Variants in CNTN4 observed in about 807,000 individuals in gnomAD.
The protein encoded by CNTN4 is contactin 4.
CNTN4 carries 77 observed loss-of-function variants against 122.5 expected under a neutral mutation model. That is an observed-to-expected ratio of 0.63 (90% CI 0.52 to 0.76). The LOEUF is 0.76. Ranked by LOEUF, CNTN4 falls within the 30% of genes least tolerant of loss-of-function variation. The pLI is 0.00. For synonymous variants in CNTN4, 512 were observed against 447.0 expected, an observed-to-expected ratio of 1.15 and a Z score of -1.83; for missense variants, 1,256 against 1,259.1, an observed-to-expected ratio of 1.00 and a Z score of 0.04.
At chr3:2,215,587 T>C (rs919152007) in intron 2 of CNTN4, among the ~76,000 whole-genome samples, 9 of 152,082 alleles carry the variant, frequency 5.9e-5, no homozygotes, top group Admixed American at 4.6e-4. Flanking sequence ...CCAACAGTGT[T>C]AAGAGTTCCC....
At chr3:3,050,897 C>T (rs553327771) in intron 23 of CNTN4, among the ~76,000 whole-genome samples, 6 of 152,044 alleles carry the variant, frequency 3.9e-5, no homozygotes, top group South Asian at 2.1e-4. Context: ...TCTTTGAAAT[C>T]AGAATAATAA....
intron 2 of CNTN4, among the ~76,000 whole-genome samples, chr3:2,122,772 A>G (rs982132739): frequency 1.1e-4 from 17 of 152,218 alleles, no homozygotes; most frequent in Non-Finnish European, 2.5e-4. Flanking sequence ...CTTAGCAATT[A>G]ATAGACGTTC....
At chr3:2,311,427 A>C (rs2042910929) in intron 2 of CNTN4, among the ~76,000 whole-genome samples, 1 of 152,154 alleles carries the variant, frequency 6.6e-6, no homozygotes, top group South Asian at 2.1e-4. Flanking sequence ...GACAAGAAGC[A>C]TAAAGAAACC....
intron 3 of CNTN4, among the ~76,000 whole-genome samples, chr3:2,425,849 C>T (rs1003376660): frequency 2.0e-5 from 3 of 152,144 alleles, no homozygotes; most frequent in Non-Finnish European, 2.9e-5. Flanking sequence ...GGAGTTCACT[C>T]ATGATTTGGC....
intron 3 of CNTN4, among the ~76,000 whole-genome samples, chr3:2,398,228 CAA>C (rs1316361851): frequency 6.6e-6 from 1 of 151,998 alleles, no homozygotes; most frequent in Admixed American, 6.6e-5. Context: ...GATTTATATC[CAA>C]AAAGTTTCCT....
chr3:2,358,061 T>C (rs2044947834), intron 3 of CNTN4, among the ~76,000 whole-genome samples: 1 of 152,184 alleles, frequency 6.6e-6, no homozygotes, highest in Non-Finnish European at 1.5e-5. Context: ...CATGTGACAT[T>C]TTACTTAGTG....
chr3:2,385,001 C>T lies in CNTN4; in HGVS notation c.-89+45768C>T, dbSNP rs2046191799. On this transcript the variant is annotated intron_variant, in intron 3 of 24. Transcript: ENST00000418658. This position sits in a 1 kb window ranked among gnomAD's most constrained non-coding sequence, Gnocchi z 4.0. Reference sequence around the variant, plus strand: ...TGAAAGTCATTGTTGGTTTTACTGCCTCCATTCAGATCCTCCTTTTCTCTC... The same window carrying T: ...TGAAAGTCATTGTTGGTTTTACTGCTTCCATTCAGATCCTCCTTTTCTCTC... Among the ~76,000 whole-genome samples, 1 of 152,084 alleles carries T rather than the reference C, an allele frequency of 6.6e-6. No homozygotes were observed. Among genetic ancestry groups the T allele is most frequent in the Non-Finnish European group, 1.5e-5 (1 of 68,018 alleles).
intron 6 of CNTN4, among the ~76,000 whole-genome samples, chr3:2,796,389 C>T (rs953560869): frequency 3.3e-5 from 5 of 152,014 alleles, no homozygotes; most frequent in Non-Finnish European, 7.3e-5. Context: ...GGCAAGCAAG[C>T]AGAATCTTTT....
intron 2 of CNTN4, among the ~76,000 whole-genome samples, chr3:2,251,127 T>C (rs1269818580): frequency 6.6e-6 from 1 of 151,926 alleles, no homozygotes. Context: ...ATTATTAAAA[T>C]GCATCCTCTC....
chr3:2,958,964 G>A (rs756469974), intron 13 of CNTN4, among the ~76,000 whole-genome samples: 7 of 152,120 alleles, frequency 4.6e-5, no homozygotes, highest in Non-Finnish European at 7.4e-5. Flanking sequence ...GACAAAAACC[G>A]TGCCTCCAGG....
At chr3:2,900,653 T>G in intron 10 of CNTN4, 32 bp from the exon 11 acceptor site, 1 of 1,610,512 alleles carries the variant, frequency 6.2e-7, no homozygotes, top group Non-Finnish European at 8.5e-7. Flanking sequence ...ACACTGAATA[T>G]ACACCTTTCT....
At chr3:3,054,350 T>C (rs950277568) in intron 24 of CNTN4, among the ~76,000 whole-genome samples, 2 of 152,228 alleles carry the variant, frequency 1.3e-5, no homozygotes, top group South Asian at 2.1e-4. Flanking sequence ...AAGTATGCCG[T>C]AGCAGTTTTT....
At chr3:2,473,830 C>T (rs148386852) in intron 3 of CNTN4, among the ~76,000 whole-genome samples, 1,614 of 152,036 alleles carry the variant, frequency 0.011, 23 homozygotes, top group African/African-American at 0.037. Flanking sequence ...CTGACCAATA[C>T]GGAGAAACCC....
At chr3:2,471,116 TA>T (rs140536746) in intron 3 of CNTN4, among the ~76,000 whole-genome samples, 1,710 of 152,262 alleles carry the variant, frequency 0.011, 41 homozygotes, top group African/African-American at 0.039. Context: ...TCAAAGAAAC[TA>T]AAAAAATCAC....
intron 3 of CNTN4, among the ~76,000 whole-genome samples, chr3:2,521,343 T>TCGGCCCCCCCCCCCCCCCCCCCC (rs781282977): frequency 2.3e-5 from 3 of 128,306 alleles, no homozygotes; most frequent in African/African-American, 3.1e-5. Context: ...CCTCTACCCA[T>TCGGCCCCCCCCCCCCCCCCCCCC]CCCCCCCACC....
intron 2 of CNTN4, among the ~76,000 whole-genome samples, chr3:2,175,055 G>A (rs1269087161): frequency 6.6e-6 from 1 of 152,112 alleles, no homozygotes; most frequent in African/African-American, 2.4e-5. Flanking sequence ...TATCACATTG[G>A]TGATTAGGAT....
rs566759273 is a variant in CNTN4, at chr3:2,294,675, CTTTT to C, written c.-144-44499_-144-44496del. 2.3e-3 allele frequency among the ~76,000 whole-genome samples: 357 copies of C among 152,160 alleles called. 1 individual carries two copies. The highest frequency in any genetic ancestry group is 7.9e-3 in the African/African-American group (330 of 41,526). Reference sequence around the variant, plus strand: ...AAGAATAGGCTGTCTCTAATTCTTTCTTTTTTTAATTATTAATATACTTTAAGTT... The same window carrying C: ...AAGAATAGGCTGTCTCTAATTCTTTCTTTAATTATTAATATACTTTAAGTT... On this transcript the variant is annotated intron_variant, in intron 2 of 24. Transcript: ENST00000418658.
intron 6 of CNTN4, among the ~76,000 whole-genome samples, chr3:2,815,076 C>T (rs1169403410): frequency 6.6e-6 from 1 of 152,136 alleles, no homozygotes; most frequent in African/African-American, 2.4e-5. Flanking sequence ...TCACCTTATA[C>T]AAAAAGCAAC....
intron 4 of CNTN4, among the ~76,000 whole-genome samples, chr3:2,726,602 C>T (rs968519699): frequency 6.6e-6 from 1 of 152,340 alleles, no homozygotes; most frequent in East Asian, 1.9e-4. Context: ...ATTTCTCTAG[C>T]TAAAGCCAAT....
Sources: gnomAD v4.1 joint callset for allele counts (sites outside exome capture counted in the v4.1 genomes callset) on GRCh38, gnomAD v4.1.1 for gene constraint, Gnocchi (gnomAD v3.1) non-coding constraint, MANE v1.5 for transcripts, NCBI Gene and HGNC (gene_info 2026-07-23, HGNC 2026-07-21) for gene names.